The following CELF1 variants were observed in gnomAD, a reference collection of about 807,000 sequenced individuals.
CELF1 encodes the protein CUGBP Elav-like family member 1.
Under a neutral mutation model 61.8 loss-of-function variants are expected in CELF1, and 10 were observed. The ratio of observed to expected loss-of-function variants is 0.16; its 90% CI spans 0.10 to 0.27. The LOEUF is 0.27. CELF1 is among the 10% of genes least tolerant of loss of function. CELF1 has a pLI of 1.00. For missense variants in CELF1, 380 were observed against 639.1 expected (o/e 0.59, Z 4.37); for synonymous variants, 236 against 225.1 (o/e 1.05, Z -0.43).
chr11:47,541,451 G>A (rs1241195155), intron 1 of CELF1, among the ~76,000 whole-genome samples: 1 of 151,998 alleles, frequency 6.6e-6, no homozygotes, highest in Non-Finnish European at 1.5e-5. Context: ...AGCACTTTGG[G>A]AGGCCAAGGC....
intron 6 of CELF1, 149 bp from the exon 7 acceptor site, chr11:47,484,672 C>T: frequency 1.5e-6 from 1 of 650,260 alleles, no homozygotes; most frequent in Non-Finnish European, 2.5e-6. Flanking sequence ...TTGTATTTTT[C>T]ACATCTCTTT....
chr11:47,523,860 G>C (rs777266698), intron 1 of CELF1: 13 of 152,138 alleles, frequency 8.5e-5, no homozygotes, highest in Non-Finnish European at 1.8e-4. Context: ...ATTCATCACT[G>C]TTTAATTAGA....
In CELF1 at chr11:47,506,143, C is replaced by G. The variant is rs566567128; in HGVS notation, c.-153-5211G>C. 1.1e-4 allele frequency among the ~76,000 whole-genome samples: 17 copies of G among 149,736 alleles called. No homozygotes were observed. The East Asian group carries it at 3.3e-3, about 29-fold the overall frequency. ...CGATGAGTTAAAAAAAAAAAATTTG[C>G]AGGCTGGGCGCGGTGGCTCACACCT... On this transcript the variant is annotated intron_variant, in intron 1 of 14. Transcript: ENST00000687097.
intron 1 of CELF1, among the ~76,000 whole-genome samples, chr11:47,565,067 CTGTT>C (rs2097240514): frequency 1.3e-5 from 2 of 152,152 alleles, no homozygotes; most frequent in African/African-American, 4.8e-5. Flanking sequence ...GGTAGCTCCT[CTGTT>C]TGAAAGCTCT....
chr11:47,472,606 G>T (rs1301026478), intron 14 of CELF1, among the ~76,000 whole-genome samples: 1 of 152,168 alleles, frequency 6.6e-6, no homozygotes, highest in Non-Finnish European at 1.5e-5. Flanking sequence ...CCAGGGTGGA[G>T]TACAGTGGTG....
intron 1 of CELF1, among the ~76,000 whole-genome samples, chr11:47,544,572 A>G (rs538859676): frequency 1.3e-5 from 2 of 152,326 alleles, no homozygotes; most frequent in East Asian, 3.9e-4. Flanking sequence ...CAAAAAATCA[A>G]CTCTCAATTA....
intron 13 of CELF1, among the ~76,000 whole-genome samples, chr11:47,474,536 G>A (rs2079135703): frequency 6.6e-6 from 1 of 152,058 alleles, no homozygotes. Flanking sequence ...TTTATTTATT[G>A]TCTGTCTCCA....
At chr11:47,551,204 C>G (rs543815907) in intron 1 of CELF1, among the ~76,000 whole-genome samples, 1 of 152,020 alleles carries the variant, frequency 6.6e-6, no homozygotes, top group East Asian at 1.9e-4. Flanking sequence ...TAAAGAAAAC[C>G]CTGGGTTTTC....
chr11:47,500,927 T>C lies in CELF1; in HGVS notation c.-148A>G, dbSNP rs1301506710. On this transcript the variant is annotated 5_prime_UTR_variant, in exon 2 of 15. Transcript: ENST00000687097. ...GGAACTTTGAAAAAAAGAAGTTATG[T>C]TCAGCCTGCAAAGAAGTAAAACGAA... is the stretch of plus-strand genomic sequence containing the variant. 7.5e-6 allele frequency: 3 copies of C among 398,308 alleles called. No homozygotes were observed. Among genetic ancestry groups the C allele is most frequent in the Non-Finnish European group, 8.8e-6 (2 of 226,038 alleles). 24.7% of individuals were successfully genotyped at this position (398,308 alleles called of 1,614,324 possible).
At chr11:47,549,472 A>C (rs2097076432) in intron 1 of CELF1, among the ~76,000 whole-genome samples, 1 of 152,220 alleles carries the variant, frequency 6.6e-6, no homozygotes, top group Admixed American at 6.5e-5. Context: ...ATATATATAC[A>C]CAATGGAGTA....
At chr11:47,565,100 C>T (rs1208027867) in intron 1 of CELF1, among the ~76,000 whole-genome samples, 3 of 152,102 alleles carry the variant, frequency 2.0e-5, no homozygotes, top group Non-Finnish European at 4.4e-5. Context: ...CCACTGTCCT[C>T]TTCAGGGCTA....
chr11:47,499,608 G>T lies in CELF1; in HGVS notation c.-81-4C>A. ...AAATACACACAGCTTTAGCTTCCTG[G>T]GCCCCACAAAAAACACAAAGTGGAA... On this transcript the variant is annotated splice_region_variant and splice_polypyrimidine_tract_variant and intron_variant, in intron 2 of 14. Coordinates refer to ENST00000687097, the MANE Select transcript of CELF1 (RefSeq NM_001376376.1). 8.8e-7 allele frequency: 1 copy of T among 1,134,270 alleles called. No homozygotes were observed. 70.3% of individuals were successfully genotyped at this position (1,134,270 alleles called of 1,614,324 possible).
At chr11:47,557,767 C>G (rs1598738642), upstream of CELF1, 1 of 151,464 alleles carries the variant, frequency 6.6e-6, no homozygotes. Context: ...CTTCTGGACT[C>G]AAGTGATCCC....
At chr11:47,538,401 T>G (rs1003475663) in intron 1 of CELF1, among the ~76,000 whole-genome samples, 3 of 152,200 alleles carry the variant, frequency 2.0e-5, no homozygotes, top group Non-Finnish European at 4.4e-5. Flanking sequence ...CCCAGCACTT[T>G]GGGAGGCCCA....
rs115125638 is a variant in CELF1 at position 47,502,893 on chromosome 11, G to A, written c.-153-1961C>T. ...CAAAGGAAGCATTAGAAATACAGAGGTGACAGGAGGGGTTATAACCAAGGG... is the reference window on the plus strand; with the variant it reads ...CAAAGGAAGCATTAGAAATACAGAGATGACAGGAGGGGTTATAACCAAGGG... On this transcript the variant is annotated intron_variant, in intron 1 of 14. Transcript: ENST00000687097. Among the ~76,000 whole-genome samples, 125 of 152,090 alleles carry A rather than the reference G, an allele frequency of 8.2e-4. 1 individual carries two copies. Among genetic ancestry groups the A allele is most frequent in the Middle Eastern group, 3.4e-3 (1 of 294 alleles).
At chr11:47,550,387 TG>T (rs2097107212) in intron 1 of CELF1, among the ~76,000 whole-genome samples, 2 of 151,952 alleles carry the variant, frequency 1.3e-5, no homozygotes, top group South Asian at 4.1e-4. Flanking sequence ...AAAAACCCTC[TG>T]GGCGCAGTGG....
intron 4 of CELF1, 65 bp downstream of exon 4, chr11:47,488,771 CA>C: frequency 7.8e-7 from 1 of 1,282,510 alleles, no homozygotes; most frequent in Non-Finnish European, 1.0e-6. Context: ...GTTAAAAACC[CA>C]AAGCCCTCAC....
intron 1 of CELF1, among the ~76,000 whole-genome samples, chr11:47,503,931 T>C (rs1392935238): frequency 6.6e-6 from 1 of 152,210 alleles, no homozygotes. Flanking sequence ...TCCCAACACT[T>C]TGGGAGGCCA....
intron 1 of CELF1, among the ~76,000 whole-genome samples, chr11:47,506,690 A>G (rs774741775): frequency 6.6e-6 from 1 of 152,224 alleles, no homozygotes; most frequent in Non-Finnish European, 1.5e-5. Flanking sequence ...GGGCAAGAAA[A>G]TATTTCTAGC....
Sources: allele counts gnomAD v4.1 joint callset (sites outside exome capture counted in the v4.1 genomes callset), GRCh38; gene constraint gnomAD v4.1.1; transcripts MANE v1.5; gene names NCBI Gene and HGNC (gene_info 2026-07-23, HGNC 2026-07-21).